CFAP263: variants seen among roughly 807,000 people sequenced by gnomAD.
The protein encoded by CFAP263 is cilia and flagella associated protein 263.
At chr16:58,273,391 C>T in the CFAP263 span, among the ~76,000 whole-genome samples, 21,747 of 151,784 alleles carry the variant, frequency 0.14, 1,676 homozygotes, top group East Asian at 0.2. Context: ...TTCTCTCTGC[C>T]CCTCAATCTA....
the CFAP263 span, among the ~76,000 whole-genome samples, chr16:58,272,781 T>C: frequency 1.3e-5 from 2 of 152,092 alleles, no homozygotes; most frequent in South Asian, 4.2e-4. Context: ...TTTTTTTTTT[T>C]TTTTGAGCAC....
the CFAP263 span, among the ~76,000 whole-genome samples, chr16:58,271,400 A>T: frequency 1.3e-5 from 2 of 152,192 alleles, no homozygotes; most frequent in Non-Finnish European, 2.9e-5. Context: ...TGTGTTTATT[A>T]CTATTAATGA....
chr16:58,266,391 A>ATG, the CFAP263 span, among the ~76,000 whole-genome samples: 228 of 33,534 alleles, frequency 6.8e-3, 2 homozygotes, highest in Middle Eastern at 0.068. Context: ...ATATATATAT[A>ATG]TATATATATA....
chr16:58,259,339 G>A, the CFAP263 span, among the ~76,000 whole-genome samples: 1 of 152,174 alleles, frequency 6.6e-6, no homozygotes, highest in Non-Finnish European at 1.5e-5. Context: ...AAAGTGCTGG[G>A]ATTACTGGGT....
the CFAP263 span, among the ~76,000 whole-genome samples, chr16:58,272,553 A>G: frequency 6.6e-6 from 1 of 152,192 alleles, no homozygotes; most frequent in Non-Finnish European, 1.5e-5. Context: ...GTATTTGTGT[A>G]TCCAAACATA....
the CFAP263 span, among the ~76,000 whole-genome samples, chr16:58,275,491 G>T: frequency 1.3e-5 from 2 of 152,026 alleles, no homozygotes; most frequent in Non-Finnish European, 2.9e-5. Context: ...CCTTTGGGGG[G>T]TAAAAAAAGA....
At chr16:58,259,162 TG>T in the CFAP263 span, among the ~76,000 whole-genome samples, 1 of 152,186 alleles carries the variant, frequency 6.6e-6, no homozygotes, top group Non-Finnish European at 1.5e-5. Context: ...GAGACTGGTC[TG>T]GTCCAGCCTA....
At chr16:58,270,548 CA>C in the CFAP263 span, among the ~76,000 whole-genome samples, 3 of 151,038 alleles carry the variant, frequency 2.0e-5, no homozygotes, top group African/African-American at 7.3e-5. Flanking sequence ...TATTTTCTCC[CA>C]TTCTGTGGAT....
chr16:58,258,817 A>G, the CFAP263 span, among the ~76,000 whole-genome samples: 1 of 151,958 alleles, frequency 6.6e-6, no homozygotes, highest in African/African-American at 2.4e-5. Context: ...CATCTCTACT[A>G]AAAATACAAA....
At chr16:58,262,447 TC>T in the CFAP263 span, 1 of 1,613,744 alleles carries the variant, frequency 6.2e-7, no homozygotes, top group South Asian at 1.1e-5. Flanking sequence ...TAGAGAACGC[TC>T]AATTTCTTGA....
At chr16:58,273,534 A>G in the CFAP263 span, among the ~76,000 whole-genome samples, 40 of 152,346 alleles carry the variant, frequency 2.6e-4, no homozygotes, top group Admixed American at 9.8e-4. Flanking sequence ...TGTTTTAAAA[A>G]ATGAATTTCT....
the CFAP263 span, among the ~76,000 whole-genome samples, chr16:58,254,840 C>T: frequency 6.6e-6 from 1 of 152,108 alleles, no homozygotes; most frequent in Non-Finnish European, 1.5e-5. Context: ...CTCCTGACCT[C>T]ATGATCCGCC....
chr16:58,255,795 C>T, the CFAP263 span, among the ~76,000 whole-genome samples: 2 of 152,154 alleles, frequency 1.3e-5, no homozygotes, highest in South Asian at 2.1e-4. Flanking sequence ...GATCTCCTGA[C>T]CTTGTGATCC....
chr16:58,268,929 A>G, the CFAP263 span, among the ~76,000 whole-genome samples: 6 of 152,226 alleles, frequency 3.9e-5, no homozygotes, highest in African/African-American at 1.4e-4. Flanking sequence ...CACCCATTTA[A>G]AGTGTACAGT....
chr16:58,266,321 C>T, the CFAP263 span, among the ~76,000 whole-genome samples: 1 of 141,818 alleles, frequency 7.1e-6, no homozygotes, highest in Admixed American at 7.4e-5. Flanking sequence ...TTGGAATGTT[C>T]TCTTCTCTCT....
chr16:58,252,956 A>T, the CFAP263 span: 2 of 1,126,620 alleles, frequency 1.8e-6, no homozygotes, highest in East Asian at 4.8e-5. Context: ...CCAATTGACC[A>T]TGGGACCTTC....
the CFAP263 span, among the ~76,000 whole-genome samples, chr16:58,266,395 ATATATATATATTTTTTTTT>A: frequency 5.5e-5 from 2 of 36,482 alleles, no homozygotes; most frequent in South Asian, 9.6e-4. Context: ...ATATATATAT[ATATATATATATTTTTTTTT>A]TTTTTTTTTT....
At chr16:58,250,377 G>GTC in the CFAP263 span, 1 of 403,934 alleles carries the variant, frequency 2.5e-6, no homozygotes, top group Non-Finnish European at 4.5e-6. Flanking sequence ...AGCCGGAGGA[G>GTC]TCTCTCTCAT....
the CFAP263 span, chr16:58,281,118 C>A: frequency 4.4e-6 from 1 of 228,044 alleles, no homozygotes; most frequent in East Asian, 9.9e-5. Context: ...CTCACATTTT[C>A]CCTTCTCTGC....
Sources: gnomAD v4.1 joint callset for allele counts (sites outside exome capture counted in the v4.1 genomes callset) on GRCh38, gnomAD v4.1.1 for gene constraint, MANE v1.5 for transcripts, NCBI Gene and HGNC (gene_info 2026-07-23, HGNC 2026-07-21) for gene names.